The following MAGI2 variants were observed in gnomAD, a reference collection of about 807,000 sequenced individuals.
The protein encoded by MAGI2 is membrane associated guanylate kinase, WW and PDZ domain containing 2, also known as membrane-associated guanylate kinase, WW and PDZ domain-containing protein 2.
A neutral mutation model predicts 133.3 loss-of-function variants in MAGI2; 35 were observed. The ratio of observed to expected loss-of-function variants is 0.26; its 90% CI spans 0.20 to 0.35. MAGI2 has a LOEUF of 0.35. Ranked by LOEUF, MAGI2 falls within the 10% of genes least tolerant of loss-of-function variation. MAGI2 has a pLI of 1.00. For synonymous variants in MAGI2, 729 were observed against 710.6 expected, an observed-to-expected ratio of 1.03 and a Z score of -0.41; for missense variants, 1,636 against 1,863.4, an observed-to-expected ratio of 0.88 and a Z score of 2.25.
intron 1 of MAGI2, among the ~76,000 whole-genome samples, chr7:79,144,161 GCTAGGCA>G: frequency 6.6e-6 from 1 of 152,282 alleles, no homozygotes; most frequent in African/African-American, 2.4e-5. Flanking sequence ...CCACAGCAGT[GCTAGGCA>G]CATAAGAGGC....
chr7:78,077,647 T>G (rs1164101606), intron 21 of MAGI2, among the ~76,000 whole-genome samples: 5 of 135,492 alleles, frequency 3.7e-5, no homozygotes, highest in Non-Finnish European at 1.6e-5. Flanking sequence ...AGATCTGCCC[T>G]GCTAAGTAAG....
intron 16 of MAGI2, among the ~76,000 whole-genome samples, chr7:78,142,700 T>C (rs532955927): frequency 7.2e-4 from 110 of 152,330 alleles, no homozygotes; most frequent in Non-Finnish European, 1.1e-3. Context: ...TCTTTTGATA[T>C]GGTTTTTCTC....
intron 1 of MAGI2, among the ~76,000 whole-genome samples, chr7:79,404,621 A>C (rs1261505357): frequency 6.6e-6 from 1 of 152,088 alleles, no homozygotes; most frequent in Non-Finnish European, 1.5e-5. Context: ...TCTAGGAAAC[A>C]TATGTTTTTC....
At chr7:78,239,289 C>T (rs1241934026) in intron 10 of MAGI2, among the ~76,000 whole-genome samples, 1 of 152,106 alleles carries the variant, frequency 6.6e-6, no homozygotes, top group Non-Finnish European at 1.5e-5. Context: ...AAATGTAAAA[C>T]CTGAAACTAT....
At chr7:78,239,193 A>C (rs1790872077) in intron 10 of MAGI2, among the ~76,000 whole-genome samples, 1 of 152,212 alleles carries the variant, frequency 6.6e-6, no homozygotes, top group South Asian at 2.1e-4. Flanking sequence ...GGTGTTGGTA[A>C]AACTGAATAT....
At chr7:78,333,069 T>C (rs1435587720) in intron 9 of MAGI2, among the ~76,000 whole-genome samples, 2 of 152,236 alleles carry the variant, frequency 1.3e-5, no homozygotes, top group African/African-American at 4.8e-5. Context: ...TCTAACACGA[T>C]GTGAGTATGA....
intron 2 of MAGI2, among the ~76,000 whole-genome samples, chr7:78,785,291 T>C (rs1386215788): frequency 1.3e-5 from 2 of 152,238 alleles, no homozygotes; most frequent in African/African-American, 4.8e-5. Flanking sequence ...TCAATTAGAT[T>C]TATGCAAGCC....
intron 10 of MAGI2, among the ~76,000 whole-genome samples, chr7:78,205,185 G>T (rs1829618183): frequency 6.6e-6 from 1 of 152,172 alleles, no homozygotes; most frequent in South Asian, 2.1e-4. Flanking sequence ...ACGCTGAAGT[G>T]CAGTGGCGTG....
intron 1 of MAGI2, among the ~76,000 whole-genome samples, chr7:79,216,367 C>A (rs1185425915): frequency 2.0e-5 from 3 of 151,818 alleles, no homozygotes; most frequent in Admixed American, 6.6e-5. Context: ...TGTGTGTGAC[C>A]TGATTTTTCC....
chr7:78,561,208 G>C lies in MAGI2; in HGVS notation c.539-39563C>G, dbSNP rs540480900. ...AAGAGCTGGAGGTCTCTGTGAAATG[G>C]GAAAGAAGGGATGGTAGGTAGGTGT... On this transcript the variant is annotated intron_variant, in intron 3 of 21. Coordinates refer to ENST00000354212, the MANE Select transcript of MAGI2 (RefSeq NM_012301.4). 5.9e-5 allele frequency among the ~76,000 whole-genome samples: 9 copies of C among 152,266 alleles called. No individual in the cohort carries two copies. The East Asian group carries it at 1.7e-3, about 29-fold the overall frequency.
At chr7:78,639,909 A>G (rs192680956) in intron 2 of MAGI2, among the ~76,000 whole-genome samples, 47 of 152,334 alleles carry the variant, frequency 3.1e-4, no homozygotes, top group Non-Finnish European at 6.5e-4. Flanking sequence ...AAAAGAAAAC[A>G]TAAGTATCCA....
chr7:78,081,058 T>G (rs1380943304), intron 20 of MAGI2, among the ~76,000 whole-genome samples: 1 of 152,192 alleles, frequency 6.6e-6, no homozygotes. Context: ...GTACACATAC[T>G]GCTGTTCTTT....
intron 21 of MAGI2, among the ~76,000 whole-genome samples, chr7:78,051,663 C>A (rs2151109814): frequency 6.6e-6 from 1 of 152,258 alleles, no homozygotes; most frequent in Admixed American, 6.5e-5. Context: ...TGGCTCACTG[C>A]AACCTCTGCC....
intron 2 of MAGI2, among the ~76,000 whole-genome samples, chr7:78,673,201 A>T (rs968172725): frequency 6.6e-6 from 1 of 152,118 alleles, no homozygotes; most frequent in Non-Finnish European, 1.5e-5. Context: ...ACATTTATAA[A>T]TTTTTAAATA....
chr7:78,905,504 T>C (rs73144940), intron 2 of MAGI2, among the ~76,000 whole-genome samples: 57,427 of 152,044 alleles, frequency 0.38, 11,492 homozygotes, highest in East Asian at 0.58. Flanking sequence ...ATTTAGTGCA[T>C]TGCCTGGCAT....
intron 1 of MAGI2, among the ~76,000 whole-genome samples, chr7:79,359,666 G>A (rs187930775): frequency 1.1e-4 from 13 of 115,510 alleles, no homozygotes; most frequent in Middle Eastern, 5.3e-3. Flanking sequence ...TGCTCAAGTG[G>A]GAAACACACA....
intron 2 of MAGI2, among the ~76,000 whole-genome samples, chr7:78,702,302 TA>T (rs34557705): frequency 0.034 from 5,140 of 152,092 alleles, 240 homozygotes; most frequent in African/African-American, 0.11. Context: ...AATTTTCCAT[TA>T]AAAATAATTT....
At chr7:78,823,971 C>G (rs984647160) in intron 2 of MAGI2, among the ~76,000 whole-genome samples, 2 of 151,842 alleles carry the variant, frequency 1.3e-5, no homozygotes, top group African/African-American at 4.8e-5. Flanking sequence ...TACATAAAGA[C>G]TAAGTTCCTA....
At position 78,135,063 on chromosome 7, in the gene MAGI2, C is replaced by T; in HGVS notation, c.2989G>A (p.Asp997Asn). 1.2e-6 allele frequency: 2 copies of T among 1,614,152 alleles called. No individual in the cohort carries two copies. Among genetic ancestry groups the T allele is most frequent in the Admixed American group, 1.7e-5 (1 of 60,014 alleles). ...PHADIVKLIKDAGLSVTLRII... is the reference protein window; with the variant it reads ...PHADIVKLIKNAGLSVTLRII... ...CGAAGGGTGACACTAAGACCTGCAT[C>T]CTTGATGAGCTTCACGATGTCAGCG... The change falls in exon 17 of 22, where the codon GAT becomes AAT. Residue 997 changes from aspartate to asparagine, a missense_variant. Asp to Asn is a conservative substitution (Grantham distance 23). Coordinates refer to ENST00000354212, the MANE Select transcript of MAGI2 (RefSeq NM_012301.4).
Sources: gnomAD v4.1 joint callset for allele counts (sites outside exome capture counted in the v4.1 genomes callset) on GRCh38, gnomAD v4.1.1 for gene constraint, MANE v1.5 for transcripts, NCBI Gene and HGNC (gene_info 2026-07-23, HGNC 2026-07-21) for gene names.